The following XRCC4 variants were observed in gnomAD, a reference collection of about 807,000 sequenced individuals.
XRCC4 encodes the protein X-ray repair cross complementing 4.
In XRCC4, 28 loss-of-function variants were observed where a neutral mutation model predicts 39.1. The observed-to-expected ratio is 0.72, with a 90% CI of 0.53 to 0.98. XRCC4 has a LOEUF of 0.98. Ranked by LOEUF, XRCC4 falls within the 50% of genes least tolerant of loss-of-function variation. The probability of loss-of-function intolerance (pLI) is 0.00; values close to 1 mark genes in which losing one functional copy is unlikely to be tolerated. For missense variants in XRCC4, 350 were observed against 376.4 expected (o/e 0.93, Z 0.58); for synonymous variants, 123 against 126.4 (o/e 0.97, Z 0.18).
chr5:83,132,287 G>C (rs1243378262), intron 3 of XRCC4, among the ~76,000 whole-genome samples: 1 of 152,066 alleles, frequency 6.6e-6, no homozygotes, highest in Non-Finnish European at 1.5e-5. Context: ...TGGGTAACCT[G>C]ACCTTTCTAT....
At chr5:83,291,296 G>C (rs1366258897) in intron 7 of XRCC4, among the ~76,000 whole-genome samples, 1 of 151,640 alleles carries the variant, frequency 6.6e-6, no homozygotes, top group Non-Finnish European at 1.5e-5. Context: ...CCATAAATGG[G>C]AATACTACAC....
intron 6 of XRCC4, among the ~76,000 whole-genome samples, chr5:83,242,103 C>T (rs1171071586): frequency 2.0e-5 from 3 of 149,424 alleles, no homozygotes; most frequent in Admixed American, 6.6e-5. Context: ...AAAAAATTCA[C>T]GTATAAATGG....
intron 3 of XRCC4, among the ~76,000 whole-genome samples, chr5:83,184,228 T>C (rs1216659799): frequency 1.3e-5 from 2 of 152,112 alleles, no homozygotes; most frequent in Non-Finnish European, 2.9e-5. Context: ...TTTAAAATAC[T>C]TATTTTTATG....
intron 7 of XRCC4, among the ~76,000 whole-genome samples, chr5:83,329,006 C>T (rs1756353973): frequency 1.3e-5 from 2 of 151,998 alleles, no homozygotes; most frequent in Admixed American, 1.3e-4. Flanking sequence ...AACTCCTAGC[C>T]TCAAGCAATT....
At chr5:83,364,688 A>G in the XRCC4 span, among the ~76,000 whole-genome samples, 1 of 152,222 alleles carries the variant, frequency 6.6e-6, no homozygotes, top group African/African-American at 2.4e-5. Context: ...GGACACCTAC[A>G]GCAGCCGTTC....
chr5:83,310,914 T>C, intron 7 of XRCC4: 1 of 449,018 alleles, frequency 2.2e-6, no homozygotes, highest in Non-Finnish European at 4.5e-6. Flanking sequence ...GAACTGAAGC[T>C]CTAGGCAGTG....
downstream of XRCC4, among the ~76,000 whole-genome samples, chr5:83,356,568 T>A (rs1210871400): frequency 6.6e-6 from 1 of 152,226 alleles, no homozygotes; most frequent in African/African-American, 2.4e-5. Flanking sequence ...AATAAGCCTA[T>A]AATCTTGGGT....
At chr5:83,167,801 C>G (rs562247709) in intron 3 of XRCC4, among the ~76,000 whole-genome samples, 2 of 152,296 alleles carry the variant, frequency 1.3e-5, no homozygotes, top group African/African-American at 4.8e-5. Flanking sequence ...AGATGAGAAT[C>G]TTATGGAAAG....
intron 6 of XRCC4, among the ~76,000 whole-genome samples, chr5:83,239,056 G>A (rs1242334343): frequency 6.6e-6 from 1 of 152,112 alleles, no homozygotes; most frequent in Non-Finnish European, 1.5e-5. Context: ...AATTTTGCTG[G>A]GGAGAATAGA....
intron 7 of XRCC4, among the ~76,000 whole-genome samples, chr5:83,338,427 T>C (rs1756657852): frequency 6.6e-6 from 1 of 152,188 alleles, no homozygotes; most frequent in African/African-American, 2.4e-5. Flanking sequence ...TGAATTCATA[T>C]GGTCAAGGCA....
intron 1 of XRCC4, among the ~76,000 whole-genome samples, chr5:83,091,988 A>C (rs1745450575): frequency 6.6e-6 from 1 of 152,184 alleles, no homozygotes; most frequent in Admixed American, 6.5e-5. Flanking sequence ...AACAGGATAC[A>C]AAGGTTCCCT....
chr5:83,215,058 G>A (rs55973239), intron 6 of XRCC4, among the ~76,000 whole-genome samples: 7,339 of 152,042 alleles, frequency 0.048, 541 homozygotes, highest in African/African-American at 0.17. Flanking sequence ...ATTGTTGGCC[G>A]GGTGTAATGG....
chr5:83,275,993 T>C (rs1014632196), intron 7 of XRCC4, among the ~76,000 whole-genome samples: 1 of 152,204 alleles, frequency 6.6e-6, no homozygotes, highest in African/African-American at 2.4e-5. Context: ...TCAATTTTAG[T>C]ATGATCCCAG....
chr5:83,140,028 A>C (rs1047553285), intron 3 of XRCC4, among the ~76,000 whole-genome samples: 2 of 152,148 alleles, frequency 1.3e-5, no homozygotes, highest in African/African-American at 4.8e-5. Context: ...TGACAGTGAA[A>C]TCTGGCTTTC....
At chr5:83,196,903 G>C (rs1750974892) in intron 4 of XRCC4, among the ~76,000 whole-genome samples, 1 of 151,732 alleles carries the variant, frequency 6.6e-6, no homozygotes, top group Admixed American at 6.6e-5. Flanking sequence ...ATGAAAAATG[G>C]TGACGATTTT....
intron 1 of XRCC4, among the ~76,000 whole-genome samples, chr5:83,102,005 T>C (rs987164756): frequency 6.6e-6 from 1 of 152,062 alleles, no homozygotes; most frequent in Admixed American, 6.6e-5. Context: ...ATTTTTAGAA[T>C]GATGTAGCTG....
At chr5:83,272,506 A>G (rs1754177923) in intron 7 of XRCC4, among the ~76,000 whole-genome samples, 1 of 152,020 alleles carries the variant, frequency 6.6e-6, no homozygotes, top group Non-Finnish European at 1.5e-5. Context: ...GGTTTGTCAC[A>G]CTCATCAACC....
chr5:83,196,053 C>T, intron 4 of XRCC4, 117 bp downstream of exon 4: 1 of 1,069,766 alleles, frequency 9.3e-7, no homozygotes, highest in Admixed American at 2.9e-5. Context: ...ATATATTTAC[C>T]TTAACTGAAT....
At chr5:83,176,682 G>A (rs1311834074) in intron 3 of XRCC4, among the ~76,000 whole-genome samples, 2 of 150,920 alleles carry the variant, frequency 1.3e-5, no homozygotes, top group African/African-American at 4.9e-5. Flanking sequence ...GAGTGCAGTG[G>A]CACGATCTTG....
Sources: gnomAD v4.1 joint callset for allele counts (sites outside exome capture counted in the v4.1 genomes callset) on GRCh38, gnomAD v4.1.1 for gene constraint, MANE v1.5 for transcripts, NCBI Gene and HGNC (gene_info 2026-07-23, HGNC 2026-07-21) for gene names.